ANXA1: variants seen among roughly 807,000 people sequenced by gnomAD.
ANXA1 encodes the protein annexin I (lipocortin I).
In ANXA1, 39 loss-of-function variants were observed where a neutral mutation model predicts 47.9. The ratio of observed to expected loss-of-function variants is 0.81; its 90% CI spans 0.63 to 1.06. The LOEUF (loss-of-function observed/expected upper bound fraction) is 1.06. Among genes scored for constraint, ANXA1 ranks in the 50% least tolerant of loss-of-function variants. The probability of loss-of-function intolerance (pLI) is 0.00; values close to 1 mark genes in which losing one functional copy is unlikely to be tolerated. For synonymous variants in ANXA1, 146 were observed against 142.5 expected, an observed-to-expected ratio of 1.02 and a Z score of -0.17; for missense variants, 446 against 422.7, an observed-to-expected ratio of 1.06 and a Z score of -0.48.
intron 11 of ANXA1, 25 bp downstream of exon 11, chr9:73,167,580 C>G (rs775172056): frequency 1.9e-6 from 3 of 1,596,788 alleles, no homozygotes; most frequent in Admixed American, 1.8e-5. Flanking sequence ...ACTTATATGT[C>G]CTGCTTAGAG....
At chr9:73,156,918 G>C (rs1645425742) in intron 1 of ANXA1, among the ~76,000 whole-genome samples, 2 of 152,144 alleles carry the variant, frequency 1.3e-5, no homozygotes, top group Admixed American at 1.3e-4. Context: ...ATGGCATTTT[G>C]TGTGTGTGTG....
At chr9:73,155,496 A>ATATTTGG (rs1336573418) in intron 1 of ANXA1, among the ~76,000 whole-genome samples, 1 of 152,218 alleles carries the variant, frequency 6.6e-6, no homozygotes, top group Non-Finnish European at 1.5e-5. Flanking sequence ...AAAAAAATAT[A>ATATTTGG]TATTTGGTAT....
At chr9:73,167,703 T>C (rs1422939243) in intron 11 of ANXA1, 148 bp downstream of exon 11, 3 of 691,478 alleles carry the variant, frequency 4.3e-6, no homozygotes, top group Admixed American at 6.4e-5. Flanking sequence ...GGTAATACAC[T>C]ACCTTCTCAG....
intron 3 of ANXA1, 31 bp downstream of exon 3, chr9:73,158,834 T>C (rs916745255): frequency 1.9e-6 from 3 of 1,549,046 alleles, no homozygotes; most frequent in Non-Finnish European, 2.7e-6. Context: ...AGTTCCCTCC[T>C]GGACATTTCA....
chr9:73,155,225 G>A (rs936144488), intron 1 of ANXA1, among the ~76,000 whole-genome samples: 5 of 152,256 alleles, frequency 3.3e-5, no homozygotes, highest in Admixed American at 6.5e-5. Flanking sequence ...CAATTTCACC[G>A]TCAATGAGCT....
At chr9:73,161,291 CA>C (rs1824139116) in intron 6 of ANXA1, among the ~76,000 whole-genome samples, 1 of 151,708 alleles carries the variant, frequency 6.6e-6, no homozygotes. Flanking sequence ...TATATAATAA[CA>C]AAAAAATCTC....
intron 7 of ANXA1, 78 bp from the exon 8 acceptor site, chr9:73,163,398 T>C (rs1824176039): frequency 7.3e-7 from 1 of 1,379,178 alleles, no homozygotes; most frequent in African/African-American, 1.5e-5. Context: ...ATATTATTTA[T>C]CTGAGTTTAA....
chr9:73,160,179 A>C lies in ANXA1; in HGVS notation c.271-84A>C, dbSNP rs541248294. 412 of 903,448 alleles carry C rather than the reference A, an allele frequency of 4.6e-4. 3 individuals carry two copies. Among genetic ancestry groups the C allele is most frequent in the Middle Eastern group, 2.8e-3 (12 of 4,330 alleles). 56.0% of individuals were successfully genotyped at this position (903,448 alleles called of 1,614,324 possible). On this transcript the variant is annotated intron_variant, in intron 4 of 12. Coordinates refer to ENST00000257497, the MANE Select transcript of ANXA1 (RefSeq NM_000700.3). ...GTTGGGTTTAGGGATGAGTTGTACGATGACCTAAAGTCAGGTAATATCACA... is the reference window on the plus strand; with the variant it reads ...GTTGGGTTTAGGGATGAGTTGTACGCTGACCTAAAGTCAGGTAATATCACA...
chr9:73,159,461 C>T (rs1824102730), intron 4 of ANXA1, 38 bp downstream of exon 4: 2 of 1,554,278 alleles, frequency 1.3e-6, no homozygotes, highest in African/African-American at 1.4e-5. Flanking sequence ...TTAATTTCAG[C>T]ATAGTTATAC....
intron 6 of ANXA1, 77 bp from the exon 7 acceptor site, chr9:73,162,705 C>A: frequency 8.9e-7 from 1 of 1,121,252 alleles, no homozygotes; most frequent in East Asian, 2.6e-5. Context: ...GAATTTTCAA[C>A]CAACTTAGAG....
intron 6 of ANXA1, among the ~76,000 whole-genome samples, chr9:73,161,892 G>A (rs184412770): frequency 6.6e-6 from 1 of 152,164 alleles, no homozygotes; most frequent in East Asian, 1.9e-4. Flanking sequence ...AGTTGTTTTA[G>A]TCCGTTTGTG....
At chr9:73,167,001 C>T (rs1824242392) in intron 10 of ANXA1, among the ~76,000 whole-genome samples, 1 of 152,072 alleles carries the variant, frequency 6.6e-6, no homozygotes, top group Admixed American at 6.6e-5. Context: ...CACAGAGGTA[C>T]ATGTGCACGT....
intron 1 of ANXA1, among the ~76,000 whole-genome samples, chr9:73,153,237 C>T (rs2118126714): frequency 6.6e-6 from 1 of 152,204 alleles, no homozygotes; most frequent in Admixed American, 6.5e-5. Context: ...AATACTTTTT[C>T]AACCAGAAGG....
At chr9:73,153,792 G>A (rs1824005951) in intron 1 of ANXA1, among the ~76,000 whole-genome samples, 1 of 152,160 alleles carries the variant, frequency 6.6e-6, no homozygotes, top group Non-Finnish European at 1.5e-5. Context: ...GCTAGGGATT[G>A]GAAGTACATA....
At position 73,160,365 on chromosome 9, in the gene ANXA1, G is replaced by T; in HGVS notation, c.373G>T (p.Ala125Ser). The change falls in exon 5 of 13, where the codon GCT becomes TCT. Residue 125 changes from alanine to serine, a missense_variant. Ala to Ser is a moderately conservative substitution (Grantham distance 99). Transcript: ENST00000257497. ...GCAATTTGATGCTGATGAACTTCGT[G>T]CTGCCATGAAGGTAAATCGCCCAAT... is the stretch of plus-strand genomic sequence containing the variant. ...PAQFDADELRAAMKGLGTDED... is the reference protein window; with the variant it reads ...PAQFDADELRSAMKGLGTDED... The T allele has an allele frequency of 6.3e-7, 1 of 1,576,310 alleles. No individual in the cohort carries two copies. The highest frequency in any genetic ancestry group is 8.6e-7 in the Non-Finnish European group (1 of 1,167,998).
chr9:73,168,880 G>GGTGT (rs3832643), intron 11 of ANXA1, 152 bp from the exon 12 acceptor site: 25,042 of 398,618 alleles, frequency 0.063, 604 homozygotes, highest in African/African-American at 0.16. Flanking sequence ...ATTCGTGTAA[G>GGTGT]GTGTGTGTGT....
At chr9:73,154,214 A>G in intron 1 of ANXA1, 2 of 927,216 alleles carry the variant, frequency 2.2e-6, no homozygotes, top group Non-Finnish European at 3.1e-6. Context: ...TGTGGGAAGG[A>G]CTTGTGAAAT....
At position 73,170,033 on chromosome 9, in the gene ANXA1, CT is replaced by C. The variant is rs781768923; in HGVS notation, c.985-11del. 1.5e-5 allele frequency: 24 copies of C among 1,585,984 alleles called. No individual in the cohort carries two copies. Among genetic ancestry groups the C allele is most frequent in the Middle Eastern group, 1.7e-4 (1 of 5,904 alleles). On this transcript the variant is annotated splice_polypyrimidine_tract_variant and intron_variant, in intron 12 of 12. Transcript: ENST00000257497. ...TGGTTTCGACTAACATTAAGTATAC[CT>C]TTTTTTGAATCAACAGGATGAAACC... is the stretch of plus-strand genomic sequence containing the variant.
Position 73,160,258 on chromosome 9 carries a change from T to G in ANXA1, c.271-5T>G, listed in dbSNP as rs1824115052. On this transcript the variant is annotated splice_polypyrimidine_tract_variant and splice_region_variant and intron_variant, in intron 4 of 12. Transcript: ENST00000257497. ...AAGTCCTGATTCTAATCTTTTTTTT[T>G]GTAGCCCCTGGATGAAACACTGAAG... The G allele has an allele frequency of 1.3e-6, 2 of 1,544,080 alleles. No individual in the cohort carries two copies. The highest frequency in any genetic ancestry group is 1.7e-6 in the Non-Finnish European group (2 of 1,152,996).
Sources: allele counts gnomAD v4.1 joint callset (sites outside exome capture counted in the v4.1 genomes callset), GRCh38; gene constraint gnomAD v4.1.1; transcripts MANE v1.5; gene names NCBI Gene and HGNC (gene_info 2026-07-23, HGNC 2026-07-21).